Variants in CDK19 observed in about 807,000 individuals in gnomAD.
The protein encoded by CDK19 is cyclin-dependent kinase 19.
A neutral mutation model predicts 68.3 loss-of-function variants in CDK19; 20 were observed. The ratio of observed to expected loss-of-function variants is 0.29; its 90% CI spans 0.21 to 0.43. The LOEUF (loss-of-function observed/expected upper bound fraction) is 0.43, where lower values mean the gene tolerates loss of function less well. Among genes scored for constraint, CDK19 ranks in the 20% least tolerant of loss-of-function variants. The probability of loss-of-function intolerance (pLI) is 1.00; values close to 1 mark genes in which losing one functional copy is unlikely to be tolerated. For missense variants in CDK19, 339 were observed against 623.5 expected, an observed-to-expected ratio of 0.54 and a Z score of 4.86; for synonymous variants, 221 against 222.8, an observed-to-expected ratio of 0.99 and a Z score of 0.07.
intron 2 of CDK19, among the ~76,000 whole-genome samples, chr6:110,691,002 C>T (rs6937773): frequency 0.039 from 5,975 of 152,182 alleles, 168 homozygotes; most frequent in Middle Eastern, 0.065. Flanking sequence ...ATTACACTAG[C>T]CCTCCAGCAA....
At chr6:110,635,400 T>C (rs565054276) in intron 5 of CDK19, among the ~76,000 whole-genome samples, 106 of 152,358 alleles carry the variant, frequency 7.0e-4, no homozygotes, top group African/African-American at 2.4e-3. Context: ...GGATGAATTA[T>C]TTTGAATAGC....
chr6:110,716,315 T>TA (rs901134622), intron 2 of CDK19, among the ~76,000 whole-genome samples: 12 of 151,662 alleles, frequency 7.9e-5, no homozygotes, highest in Middle Eastern at 3.4e-3. Flanking sequence ...TTTCTATATA[T>TA]AAAAAAAAGC....
chr6:110,769,257 G>T (rs778766198), intron 1 of CDK19, among the ~76,000 whole-genome samples: 47 of 149,184 alleles, frequency 3.2e-4, no homozygotes, highest in Non-Finnish European at 5.9e-4. Context: ...TCTCAGTAAA[G>T]CAAGATGTTA....
At chr6:110,620,598 C>T (rs1230477555) in intron 12 of CDK19, among the ~76,000 whole-genome samples, 1 of 152,090 alleles carries the variant, frequency 6.6e-6, no homozygotes, top group East Asian at 1.9e-4. Flanking sequence ...ATCTGAATAA[C>T]AAAAAGTATT....
intron 2 of CDK19, among the ~76,000 whole-genome samples, chr6:110,671,635 G>C (rs1481548417): frequency 6.6e-6 from 1 of 152,178 alleles, no homozygotes; most frequent in Non-Finnish European, 1.5e-5. Flanking sequence ...GACTTAAATA[G>C]ATCTGCCTGA....
intron 2 of CDK19, 30 bp from the exon 3 acceptor site, chr6:110,670,571 G>T: frequency 7.8e-7 from 1 of 1,280,424 alleles, no homozygotes; most frequent in Non-Finnish European, 1.1e-6. Context: ...AGGGGTCACT[G>T]TTGTGTTAGC....
chr6:110,684,796 C>G (rs576095912), intron 2 of CDK19, among the ~76,000 whole-genome samples: 1 of 152,304 alleles, frequency 6.6e-6, no homozygotes, highest in African/African-American at 2.4e-5. Context: ...AGTGTGTTTA[C>G]TATACCTGCA....
In CDK19 at chr6:110,610,392, T is replaced by C. The variant is rs2114519148; in HGVS notation, c.*4143A>G. ...CACCTTCAGTCCAGATTTTGTGTAATACTTTTAGTGTCTACACAGACAAAT... is the reference window on the plus strand; with the variant it reads ...CACCTTCAGTCCAGATTTTGTGTAACACTTTTAGTGTCTACACAGACAAAT... On this transcript the variant is annotated 3_prime_UTR_variant, in exon 13 of 13. Coordinates refer to ENST00000368911, the MANE Select transcript of CDK19 (RefSeq NM_015076.5). 1 of 152,748 alleles carries C rather than the reference T, an allele frequency of 6.5e-6. No individual in the cohort carries two copies. Among genetic ancestry groups the C allele is most frequent in the East Asian group, 1.9e-4 (1 of 5,188 alleles). 9.5% of individuals were successfully genotyped at this position (152,748 alleles called of 1,614,324 possible). A position where few individuals can be genotyped will look rare whatever the true frequency, so the allele number is the denominator to read the frequency against.
At chr6:110,675,250 T>C (rs1771397673) in intron 2 of CDK19, among the ~76,000 whole-genome samples, 1 of 152,186 alleles carries the variant, frequency 6.6e-6, no homozygotes, top group Admixed American at 6.5e-5. Flanking sequence ...AGGCTGACTA[T>C]CTTACTAGGG....
At chr6:110,670,343 T>C (rs1770891083) in intron 3 of CDK19, 88 bp downstream of exon 3, 1 of 626,398 alleles carries the variant, frequency 1.6e-6, no homozygotes. Context: ...CAAGCTTTCC[T>C]TTCTGTGCAT....
At chr6:110,676,520 T>C (rs1771549219) in intron 2 of CDK19, among the ~76,000 whole-genome samples, 1 of 151,962 alleles carries the variant, frequency 6.6e-6, no homozygotes, top group African/African-American at 2.4e-5. Flanking sequence ...AAAGGAAGAG[T>C]TCATTGATGC....
intron 5 of CDK19, 146 bp downstream of exon 5, chr6:110,638,499 ACTAT>A (rs1204135442): frequency 7.0e-6 from 4 of 569,184 alleles, no homozygotes; most frequent in Non-Finnish European, 9.4e-6. Flanking sequence ...AGTTTTGTAG[ACTAT>A]CTATCTACAT....
intron 1 of CDK19, among the ~76,000 whole-genome samples, chr6:110,794,379 C>G (rs1321963396): frequency 6.8e-6 from 1 of 146,502 alleles, no homozygotes; most frequent in East Asian, 2.1e-4. Flanking sequence ...GCTAGATTTG[C>G]ACTCTCCTCT....
intron 1 of CDK19, among the ~76,000 whole-genome samples, chr6:110,760,092 G>C (rs1018589205): frequency 3.3e-5 from 5 of 151,974 alleles, no homozygotes; most frequent in African/African-American, 1.2e-4. Flanking sequence ...ATATGGCAGG[G>C]ACCGACTAAA....
intron 4 of CDK19, among the ~76,000 whole-genome samples, chr6:110,665,203 A>G (rs1480109978): frequency 2.0e-5 from 3 of 152,242 alleles, no homozygotes; most frequent in Non-Finnish European, 4.4e-5. Flanking sequence ...ACAGACAAGT[A>G]TAGAGGCTAG....
intron 6 of CDK19, among the ~76,000 whole-genome samples, chr6:110,630,137 C>T (rs532095831): frequency 2.0e-4 from 31 of 152,322 alleles, no homozygotes; most frequent in Middle Eastern, 3.4e-3. Flanking sequence ...GGCATGGACC[C>T]GCTGTGTTAG....
intron 5 of CDK19, among the ~76,000 whole-genome samples, chr6:110,635,575 T>C (rs1779715397): frequency 6.6e-6 from 1 of 152,228 alleles, no homozygotes; most frequent in African/African-American, 2.4e-5. Context: ...AGTCTTGCTC[T>C]GTCGCCCAGG....
intron 1 of CDK19, among the ~76,000 whole-genome samples, chr6:110,762,123 ATTTTGT>A (rs1779270356): frequency 6.6e-6 from 1 of 152,206 alleles, no homozygotes; most frequent in Admixed American, 6.5e-5. Flanking sequence ...GGGAAAAATT[ATTTTGT>A]TTAACAGAAA....
chr6:110,615,940 G>A (rs1402893802), intron 12 of CDK19, among the ~76,000 whole-genome samples: 1 of 152,008 alleles, frequency 6.6e-6, no homozygotes, highest in Non-Finnish European at 1.5e-5. Flanking sequence ...AACCAGTCCT[G>A]TGGCCCCCAC....
Sources: allele counts gnomAD v4.1 joint callset (sites outside exome capture counted in the v4.1 genomes callset), GRCh38; gene constraint gnomAD v4.1.1; transcripts MANE v1.5; gene names NCBI Gene and HGNC (gene_info 2026-07-23, HGNC 2026-07-21).